Variants in STK32B observed in about 807,000 individuals in gnomAD.
STK32B encodes serine/threonine kinase 32B.
A neutral mutation model predicts 52.6 loss-of-function variants in STK32B; 43 were observed. The ratio of observed to expected loss-of-function variants is 0.82; its 90% CI spans 0.64 to 1.05. The LOEUF (loss-of-function observed/expected upper bound fraction) is 1.05. STK32B is among the 50% of genes least tolerant of loss of function. STK32B has a pLI of 0.00. For synonymous variants in STK32B, 238 were observed against 204.3 expected, an observed-to-expected ratio of 1.17 and a Z score of -1.41; for missense variants, 621 against 534.6, an observed-to-expected ratio of 1.16 and a Z score of -1.59.
chr4:5,454,963 T>A (rs1716364899), intron 7 of STK32B, among the ~76,000 whole-genome samples: 1 of 152,216 alleles, frequency 6.6e-6, no homozygotes, highest in South Asian at 2.1e-4. Context: ...TCAAGTTAAC[T>A]AGACTTTCTA....
Position 5,168,468 on chromosome 4 carries a change from C to T in STK32B, c.260+18C>T. ...AATCTGTGGTGAGTGTGGCTCCATC[C>T]AGGGCTCCTGTGGGTTCCCCTGTGG... On this transcript the variant is annotated intron_variant, in intron 3 of 11. Transcript: ENST00000282908. 6.2e-7 allele frequency: 1 copy of T among 1,604,702 alleles called. No homozygotes were observed. Among genetic ancestry groups the T allele is most frequent in the East Asian group, 2.2e-5 (1 of 44,656 alleles).
intron 1 of STK32B, among the ~76,000 whole-genome samples, chr4:5,128,268 C>G: frequency 6.6e-6 from 1 of 152,292 alleles, no homozygotes; most frequent in East Asian, 1.9e-4. Flanking sequence ...TAGCTTGTTA[C>G]AACTGTCCTA....
Position 5,315,928 on chromosome 4 carries a change from CT to C in STK32B, c.261-15291del, listed in dbSNP as rs1202393928. On this transcript the variant is annotated intron_variant, in intron 3 of 11. Transcript: ENST00000282908. The stretch of plus-strand genomic sequence containing the variant: ...CTGTGTTGGCCAAGCTGATCTCGAA[CT>C]CCTGACCTCAGGTGATCTGCCTGCC... Among the ~76,000 whole-genome samples, 6 of 150,728 alleles carry C rather than the reference CT, an allele frequency of 4.0e-5. No homozygotes were observed. In the East Asian group the frequency reaches 7.8e-4, roughly 19 times the overall value.
rs984692403 is a variant in STK32B, at chr4:5,499,672, G to C, written c.*589G>C. ...AGTCCTGAGCTTGTAAGATGGTGCA[G>C]CATGCAGACCAGACTTGTCCCCAAG... On this transcript the variant is annotated 3_prime_UTR_variant, in exon 12 of 12. Coordinates refer to ENST00000282908, the MANE Select transcript of STK32B (RefSeq NM_018401.3). 3 of 152,274 alleles carry C rather than the reference G, an allele frequency of 2.0e-5. No homozygotes were observed. The highest frequency in any genetic ancestry group is 7.2e-5 in the African/African-American group (3 of 41,458). The allele number at this position is 152,274 out of a possible 1,614,324, so 9.4% of individuals were successfully genotyped here.
intron 4 of STK32B, among the ~76,000 whole-genome samples, chr4:5,356,779 C>T (rs762696088): frequency 2.0e-5 from 3 of 152,114 alleles, no homozygotes; most frequent in Non-Finnish European, 4.4e-5. Context: ...GGTGTATCAC[C>T]TGGGGTCAGG....
At chr4:5,485,283 G>A (rs1259806615) in intron 11 of STK32B, among the ~76,000 whole-genome samples, 6 of 151,888 alleles carry the variant, frequency 4.0e-5, no homozygotes, top group East Asian at 3.9e-4. Context: ...AGGCTTTCTC[G>A]TTTCTTTTTA....
chr4:5,054,452 G>A (rs1268830457), intron 1 of STK32B, among the ~76,000 whole-genome samples: 5 of 149,352 alleles, frequency 3.3e-5, no homozygotes, highest in Non-Finnish European at 4.4e-5. Flanking sequence ...GGGGAAGGAC[G>A]TTTCAGAGAA....
At chr4:5,362,374 C>A (rs1263249497) in intron 4 of STK32B, among the ~76,000 whole-genome samples, 1 of 152,194 alleles carries the variant, frequency 6.6e-6, no homozygotes, top group African/African-American at 2.4e-5. Flanking sequence ...AAATTCAAAA[C>A]CCTCCTGGTT....
At chr4:5,186,301 C>T (rs573546973) in intron 3 of STK32B, among the ~76,000 whole-genome samples, 6 of 152,150 alleles carry the variant, frequency 3.9e-5, no homozygotes, top group Admixed American at 6.5e-5. Context: ...GTGTTTCCTC[C>T]GTGAGCAGTG....
At chr4:5,181,331 C>CACACAT (rs1013738735) in intron 3 of STK32B, among the ~76,000 whole-genome samples, 20 of 120,356 alleles carry the variant, frequency 1.7e-4, no homozygotes, top group African/African-American at 5.3e-4. Context: ...GAGAGTGAGA[C>CACACAT]ACACACACAC....
intron 3 of STK32B, among the ~76,000 whole-genome samples, chr4:5,281,129 A>G (rs1431545582): frequency 2.7e-5 from 4 of 149,598 alleles, no homozygotes; most frequent in African/African-American, 1.0e-4. Context: ...AGGGCTGCAC[A>G]CTTAACCAAC....
chr4:5,161,042 G>T (rs1293402829), intron 2 of STK32B, among the ~76,000 whole-genome samples: 1 of 152,188 alleles, frequency 6.6e-6, no homozygotes, highest in Non-Finnish European at 1.5e-5. Flanking sequence ...GGGATCCACA[G>T]TGAAGGACTT....
chr4:5,457,042 T>A (rs1436297203), intron 8 of STK32B, 119 bp downstream of exon 8: 2 of 677,674 alleles, frequency 3.0e-6, no homozygotes, highest in African/African-American at 3.6e-5. Context: ...GATGATCAAA[T>A]CAGCTGCGCT....
chr4:5,279,588 C>T (rs536606703), intron 3 of STK32B, among the ~76,000 whole-genome samples: 57 of 152,252 alleles, frequency 3.7e-4, no homozygotes, highest in Non-Finnish European at 7.1e-4. Context: ...GTAGCTTTTT[C>T]CTCACAGCTC....
At chr4:5,026,505 A>C in the STK32B span, among the ~76,000 whole-genome samples, 1 of 152,230 alleles carries the variant, frequency 6.6e-6, no homozygotes, top group Non-Finnish European at 1.5e-5. Flanking sequence ...TAAAACCATC[A>C]GATCTTGTGA....
chr4:5,236,295 C>T (rs1375790711), intron 3 of STK32B, among the ~76,000 whole-genome samples: 1 of 152,146 alleles, frequency 6.6e-6, no homozygotes, highest in Non-Finnish European at 1.5e-5. Context: ...TCAAGCCTCC[C>T]CTCCAAGACT....
chr4:5,266,248 C>T (rs772243384), intron 3 of STK32B, among the ~76,000 whole-genome samples: 7 of 152,122 alleles, frequency 4.6e-5, no homozygotes, highest in Non-Finnish European at 8.8e-5. Context: ...AACAGTATTC[C>T]GAACTGGCTC....
chr4:5,161,815 TTTAA>T (rs1347564116), intron 2 of STK32B, among the ~76,000 whole-genome samples: 2 of 152,216 alleles, frequency 1.3e-5, no homozygotes, highest in African/African-American at 2.4e-5. Flanking sequence ...AGTAACCATA[TTTAA>T]TTGTTTTTCT....
chr4:5,106,037 T>C (rs1409150122), intron 1 of STK32B, among the ~76,000 whole-genome samples: 2 of 151,624 alleles, frequency 1.3e-5, no homozygotes, highest in East Asian at 3.9e-4. Flanking sequence ...GTGTGGTGGC[T>C]CATTCCTTTA....
Sources: gnomAD v4.1 joint callset for allele counts (sites outside exome capture counted in the v4.1 genomes callset) on GRCh38, gnomAD v4.1.1 for gene constraint, MANE v1.5 for transcripts, NCBI Gene and HGNC (gene_info 2026-07-23, HGNC 2026-07-21) for gene names.